The following CDC42BPA variants were observed in gnomAD, a reference collection of about 807,000 sequenced individuals.
CDC42BPA encodes the protein serine/threonine-protein kinase MRCK alpha.
Under a neutral mutation model 223.5 loss-of-function variants are expected in CDC42BPA, and 80 were observed. The observed-to-expected ratio is 0.36, with a 90% confidence interval of 0.30 to 0.43. The LOEUF is 0.43. CDC42BPA is among the 20% of genes least tolerant of loss of function. The pLI, the probability that CDC42BPA is intolerant of heterozygous loss-of-function variation, is 1.00. For synonymous variants in CDC42BPA, 694 were observed against 718.6 expected, an observed-to-expected ratio of 0.97 and a Z score of 0.55; for missense variants, 1,743 against 2,099.9, an observed-to-expected ratio of 0.83 and a Z score of 3.32.
chr1:227,078,536 C>T (rs1679962067), intron 17 of CDC42BPA, among the ~76,000 whole-genome samples: 1 of 151,972 alleles, frequency 6.6e-6, no homozygotes, highest in Admixed American at 6.6e-5. Flanking sequence ...AAAGAGAAAA[C>T]GTGAAGTCCT....
chr1:227,250,355 G>C (rs535233961), intron 2 of CDC42BPA, among the ~76,000 whole-genome samples: 5 of 152,112 alleles, frequency 3.3e-5, no homozygotes, highest in Non-Finnish European at 7.3e-5. Context: ...AGGCATGGTA[G>C]TGGGCACTTG....
chr1:227,293,469 AC>A (rs1487952324), intron 1 of CDC42BPA, among the ~76,000 whole-genome samples: 2 of 151,958 alleles, frequency 1.3e-5, no homozygotes, highest in African/African-American at 4.8e-5. Flanking sequence ...AAAGATATCT[AC>A]ATCCCAATTG....
intron 25 of CDC42BPA, 71 bp downstream of exon 25, chr1:227,035,396 AAACT>A (rs761404820): frequency 2.0e-4 from 233 of 1,152,712 alleles, no homozygotes; most frequent in Middle Eastern, 6.0e-4. Flanking sequence ...CTATCCTCTT[AAACT>A]AACTGGATTT....
intron 2 of CDC42BPA, 29 bp downstream of exon 2, chr1:227,254,035 A>G (rs780061889): frequency 1.7e-6 from 2 of 1,201,726 alleles, no homozygotes; most frequent in East Asian, 2.3e-5. Context: ...AATAATTAGC[A>G]GACCTTCTAT....
In CDC42BPA at chr1:227,047,943, G is replaced by A; in HGVS notation, c.3077C>T (p.Thr1026Ile). 6.2e-7 allele frequency: 1 copy of A among 1,608,288 alleles called. No homozygotes were observed. The highest frequency in any genetic ancestry group is 8.5e-7 in the Non-Finnish European group (1 of 1,175,230). The change falls in exon 23 of 37, where the codon ACT becomes ATT. Residue 1026 changes from threonine (T) to isoleucine (I), a missense_variant. This residue lies in a region of CDC42BPA where 678 missense variants were observed against 777.5 expected (regional missense o/e 0.87). Coordinates refer to ENST00000366766, the MANE Select transcript of CDC42BPA (RefSeq NM_001394014.1). Reference sequence around the variant, plus strand: ...ATTGAGTACCTTAGGTGGAAAGCCAGTTGAACCAGGACATCCTTTTTTCCT... The same window carrying A: ...ATTGAGTACCTTAGGTGGAAAGCCAATTGAACCAGGACATCCTTTTTTCCT... Reference protein sequence around the residue: ...TLRKKGCPGSTGFPPKRKTHQ... With the variant: ...TLRKKGCPGSIGFPPKRKTHQ...
chr1:227,022,769 T>C (rs1435515728), intron 32 of CDC42BPA, among the ~76,000 whole-genome samples: 1 of 152,190 alleles, frequency 6.6e-6, no homozygotes, highest in Non-Finnish European at 1.5e-5. Flanking sequence ...ACTCTGGGTC[T>C]CTACTCCCTC....
intron 8 of CDC42BPA, 30 bp downstream of exon 8, chr1:227,145,459 G>T: frequency 6.3e-7 from 1 of 1,591,080 alleles, no homozygotes; most frequent in South Asian, 1.1e-5. Flanking sequence ...GAAACAGAGG[G>T]ACAGAACTTC....
intron 17 of CDC42BPA, among the ~76,000 whole-genome samples, chr1:227,075,447 T>C (rs777741587): frequency 6.6e-6 from 1 of 152,166 alleles, no homozygotes; most frequent in African/African-American, 2.4e-5. Flanking sequence ...TGCTCTCTCC[T>C]CTTAGATGGG....
chr1:227,090,734 C>A (rs1449133065), intron 16 of CDC42BPA, among the ~76,000 whole-genome samples: 1 of 152,082 alleles, frequency 6.6e-6, no homozygotes, highest in Non-Finnish European at 1.5e-5. Flanking sequence ...TTGTTTGAAC[C>A]CAGGAGGCGG....
At chr1:227,266,958 C>G (rs1685099449) in intron 1 of CDC42BPA, among the ~76,000 whole-genome samples, 1 of 152,156 alleles carries the variant, frequency 6.6e-6, no homozygotes, top group African/African-American at 2.4e-5. Context: ...ACCAGATCAT[C>G]TAGCATACAG....
intron 1 of CDC42BPA, among the ~76,000 whole-genome samples, chr1:227,311,567 G>A (rs767968572): frequency 1.3e-5 from 2 of 151,884 alleles, no homozygotes; most frequent in Non-Finnish European, 1.5e-5. Flanking sequence ...ACTCAAAAAC[G>A]TATATACCTC....
intron 32 of CDC42BPA, 78 bp from the exon 33 acceptor site, chr1:227,017,128 A>C (rs779163538): frequency 1.5e-6 from 2 of 1,330,122 alleles, no homozygotes; most frequent in East Asian, 2.4e-5. Context: ...CCTCCAAGAC[A>C]GTACAAACAT....
At chr1:227,267,894 G>A (rs1572739041) in intron 1 of CDC42BPA, among the ~76,000 whole-genome samples, 1 of 151,992 alleles carries the variant, frequency 6.6e-6, no homozygotes, top group Non-Finnish European at 1.5e-5. Context: ...ATTCGGGTGG[G>A]GACACAGAGC....
At chr1:227,083,849 T>A (rs182522857) in intron 16 of CDC42BPA, among the ~76,000 whole-genome samples, 8 of 152,320 alleles carry the variant, frequency 5.3e-5, no homozygotes, top group African/African-American at 1.9e-4. Flanking sequence ...ACTGAAAGTT[T>A]GAATTATTTA....
chr1:227,189,725 G>A (rs763064742), intron 5 of CDC42BPA, among the ~76,000 whole-genome samples: 3 of 152,060 alleles, frequency 2.0e-5, no homozygotes, highest in Non-Finnish European at 2.9e-5. Flanking sequence ...TTTCATATGC[G>A]AGTTTTTGTG....
chr1:227,067,393 G>A (rs896496973), intron 21 of CDC42BPA, among the ~76,000 whole-genome samples: 1 of 152,084 alleles, frequency 6.6e-6, no homozygotes, highest in African/African-American at 2.4e-5. Context: ...ACAGGAAAAG[G>A]GATGGAGAGA....
At chr1:227,305,035 A>G (rs1692308638) in intron 1 of CDC42BPA, among the ~76,000 whole-genome samples, 1 of 152,200 alleles carries the variant, frequency 6.6e-6, no homozygotes, top group Non-Finnish European at 1.5e-5. Context: ...TCTCCTTCCT[A>G]AACAATTCAG....
At chr1:227,129,691 A>AAAC (rs1656615986) in intron 10 of CDC42BPA, among the ~76,000 whole-genome samples, 1 of 140,434 alleles carries the variant, frequency 7.1e-6, no homozygotes, top group Non-Finnish European at 1.5e-5. Flanking sequence ...AAAAAAAAAA[A>AAAC]AAATCCACTG....
chr1:227,080,392 A>C (rs1458584627), intron 17 of CDC42BPA, among the ~76,000 whole-genome samples: 3 of 152,264 alleles, frequency 2.0e-5, no homozygotes, highest in South Asian at 2.1e-4. Flanking sequence ...CAAGAGCTTA[A>C]GAAAGAGCTG....
Sources: allele counts gnomAD v4.1 joint callset (sites outside exome capture counted in the v4.1 genomes callset), GRCh38; gene constraint gnomAD v4.1.1; regional missense constraint gnomAD v4.1.1; transcripts MANE v1.5; gene names NCBI Gene and HGNC (gene_info 2026-07-23, HGNC 2026-07-21).